USP38: variants seen among roughly 807,000 people sequenced by gnomAD.
USP38 encodes the protein ubiquitin specific peptidase 38.
USP38 carries 49 observed loss-of-function variants against 94.3 expected under a neutral mutation model. That is an observed-to-expected ratio of 0.52 (90% CI 0.41 to 0.66). USP38 has a LOEUF of 0.66. USP38 is among the 30% of genes least tolerant of loss of function. The pLI, the probability that USP38 is intolerant of heterozygous loss-of-function variation, is 0.00. For missense variants in USP38, 1,128 were observed against 1,229.4 expected, an observed-to-expected ratio of 0.92 and a Z score of 1.23; for synonymous variants, 468 against 463.6, an observed-to-expected ratio of 1.01 and a Z score of -0.12.
Position 143,206,133 on chromosome 4 carries a change from C to T in USP38, c.1310C>T (p.Ser437Phe), listed in dbSNP as rs781305050. The T allele has an allele frequency of 3.2e-5, 51 of 1,613,578 alleles. No individual in the cohort carries two copies. The highest frequency in any genetic ancestry group is 4.2e-5 in the Non-Finnish European group (50 of 1,179,854). The change falls in exon 6 of 10, where the codon TCT becomes TTT. Residue 437 changes from serine to phenylalanine, a missense_variant. Transcript: ENST00000307017. ...TTGGCGTCTTGCTTGTCTAGACTTTCTGGAAAATCTGAAACTGGGAAAACT... is the reference window on the plus strand; with the variant it reads ...TTGGCGTCTTGCTTGTCTAGACTTTTTGGAAAATCTGAAACTGGGAAAACT... ...NSLASCLSRL[S>F]GKSETGKTGL...
Position 143,214,959 on chromosome 4 carries a change from A to C in USP38, c.2967+16A>C, listed in dbSNP as rs1732144321. The C allele has an allele frequency of 6.2e-7, 1 of 1,602,104 alleles. No individual in the cohort carries two copies. Among genetic ancestry groups the C allele is most frequent in the East Asian group, 2.2e-5 (1 of 44,698 alleles). On this transcript the variant is annotated intron_variant, in intron 9 of 9. Transcript: ENST00000307017. ...ATATTTACAGGTAAGTTGGAAATAC[A>C]AGCTTTATTTGTTGAAAATATTAAA...
intron 9 of USP38, among the ~76,000 whole-genome samples, chr4:143,219,277 A>G (rs1032776159): frequency 1.3e-5 from 2 of 152,076 alleles, no homozygotes; most frequent in African/African-American, 4.8e-5. Flanking sequence ...ACTGAAAAAT[A>G]AAGTATCTAT....
chr4:143,185,571 A>C lies in USP38; in HGVS notation c.121A>C (p.Met41Leu), dbSNP rs1581151872. The change falls in exon 1 of 10, where the codon ATG (methionine) becomes CTG (leucine). Residue 41 changes from methionine to leucine, a missense_variant. By Grantham distance (15) the Met-to-Leu change is conservative. Transcript: ENST00000307017. ...HWLDEAQCEA[M>L]FDLTTRLILE... ...GCTAGACGAGGCGCAGTGCGAGGCC[A>C]TGTTTGACCTGACGACCCGGCTCAT... 4 of 1,614,154 alleles carry C rather than the reference A, an allele frequency of 2.5e-6. No individual in the cohort carries two copies. Among genetic ancestry groups the C allele is most frequent in the Non-Finnish European group, 2.5e-6 (3 of 1,180,010 alleles).
chr4:143,202,362 C>T (rs746000832), intron 4 of USP38, among the ~76,000 whole-genome samples: 8 of 151,936 alleles, frequency 5.3e-5, no homozygotes, highest in African/African-American at 1.5e-4. Context: ...GTGGGAAGGA[C>T]GGGGAATTAG....
chr4:143,219,527 G>C (rs562121298), intron 9 of USP38, among the ~76,000 whole-genome samples: 8 of 152,082 alleles, frequency 5.3e-5, no homozygotes, highest in Non-Finnish European at 1.2e-4. Flanking sequence ...ATGCTAACAA[G>C]TTCAGGTATG....
At chr4:143,186,193 C>A in intron 1 of USP38, 61 bp downstream of exon 1, 1 of 1,481,220 alleles carries the variant, frequency 6.8e-7, no homozygotes, top group Non-Finnish European at 9.3e-7. Context: ...CTCTTGCACA[C>A]ACACATTCAC....
intron 4 of USP38, among the ~76,000 whole-genome samples, chr4:143,199,554 T>A (rs1034777826): frequency 5.3e-5 from 8 of 152,192 alleles, no homozygotes; most frequent in Non-Finnish European, 1.2e-4. Flanking sequence ...CTTTGAAGAA[T>A]CACCATACTG....
At chr4:143,207,967 G>A (rs1321865569) in intron 6 of USP38, among the ~76,000 whole-genome samples, 1 of 152,082 alleles carries the variant, frequency 6.6e-6, no homozygotes, top group Non-Finnish European at 1.5e-5. Context: ...ATAAAAAGCA[G>A]ACATTCCCAT....
chr4:143,196,822 T>A (rs539473756), intron 3 of USP38, among the ~76,000 whole-genome samples: 17 of 152,184 alleles, frequency 1.1e-4, no homozygotes, highest in Non-Finnish European at 2.5e-4. Context: ...GACTTTTCCC[T>A]CCCAGACCTA....
chr4:143,187,889 T>TTA lies in USP38; in HGVS notation c.747_748dup (p.Thr250IlefsTer14). 1.9e-6 allele frequency: 3 copies of TTA among 1,613,798 alleles called. No individual in the cohort carries two copies. Among genetic ancestry groups the TTA allele is most frequent in the Non-Finnish European group, 2.5e-6 (3 of 1,179,776 alleles). ...GTGCAGCATATTCCTCTTCAGATGA[T>TTA]TACAGTTCTCATCAGGAGCCTTACT... is the stretch of plus-strand genomic sequence containing the variant. On this transcript the variant is annotated frameshift_variant, in exon 2 of 10. Coordinates refer to ENST00000307017, the MANE Select transcript of USP38 (RefSeq NM_032557.6). LOFTEE classifies it high-confidence loss of function.
In USP38 at chr4:143,209,646, G is replaced by T. The variant is rs200944395; in HGVS notation, c.1486G>T (p.Ala496Ser). Residue 496 changes from alanine (A) to serine (S), a missense_variant, in exon 7 of 10, where the codon GCC becomes TCC. By Grantham distance (99) the Ala-to-Ser change is moderately conservative. Transcript: ENST00000307017. ...KKLQHLFAFL[A>S]HTQREAYAPR... Reference sequence around the variant, plus strand: ...ATTACAGCATCTTTTTGCCTTTCTGGCCCATACACAGGTGAGTGTGTATGT... The same window carrying T: ...ATTACAGCATCTTTTTGCCTTTCTGTCCCATACACAGGTGAGTGTGTATGT... 56 of 1,603,048 alleles carry T rather than the reference G, an allele frequency of 3.5e-5. No homozygotes were observed. Among genetic ancestry groups the T allele is most frequent in the Middle Eastern group, 1.7e-4 (1 of 6,014 alleles).
chr4:143,189,970 A>G (rs1200305569), intron 2 of USP38, among the ~76,000 whole-genome samples: 2 of 151,482 alleles, frequency 1.3e-5, no homozygotes, highest in African/African-American at 2.4e-5. Flanking sequence ...ATCAGTTCTG[A>G]TCTGTATGTA....
At chr4:143,205,624 AT>A (rs1472614299) in intron 5 of USP38, among the ~76,000 whole-genome samples, 4 of 152,198 alleles carry the variant, frequency 2.6e-5, no homozygotes, top group Non-Finnish European at 5.9e-5. Flanking sequence ...TTATTACAAA[AT>A]TTGAAAACAA....
chr4:143,205,001 G>C (rs369484065), intron 5 of USP38, among the ~76,000 whole-genome samples: 1 of 152,320 alleles, frequency 6.6e-6, no homozygotes. Flanking sequence ...TATTGCTGGG[G>C]TGACACTTTG....
In USP38 at chr4:143,203,464, A is replaced by G. The variant is rs763749691; in HGVS notation, c.1107A>G (p.Ser369=). The G allele has an allele frequency of 6.8e-6, 11 of 1,613,178 alleles. No individual in the cohort carries two copies. Among genetic ancestry groups the G allele is most frequent in the Non-Finnish European group, 9.3e-6 (11 of 1,179,582 alleles). ...CTTTCAAAAATGATGGTCTGCCTTC[A>G]AGTACAGCCTTCTTAGTACAATTAA... ...VHSFKNDGLP[S]STAFLVQLTE... The change falls in exon 5 of 10, where the codon TCA becomes TCG. Residue 369 remains serine (S), a synonymous_variant. Transcript: ENST00000307017.
At position 143,220,947 on chromosome 4, in the gene USP38, A is replaced by G. The variant is rs1732309466; in HGVS notation, c.*491A>G. 6.6e-6 allele frequency: 1 copy of G among 152,398 alleles called. No homozygotes were observed. The highest frequency in any genetic ancestry group is 2.4e-5 in the African/African-American group (1 of 41,464). 9.4% of individuals were successfully genotyped at this position (152,398 alleles called of 1,614,324 possible). On this transcript the variant is annotated 3_prime_UTR_variant, in exon 10 of 10. Transcript: ENST00000307017. The stretch of plus-strand genomic sequence containing the variant: ...AGATTATAAAGTCTCTAAAGAAGGC[A>G]ATAACAAAATTTATCAAGATATAGT...
intron 4 of USP38, among the ~76,000 whole-genome samples, chr4:143,198,858 A>G (rs1731628415): frequency 6.6e-6 from 1 of 152,212 alleles, no homozygotes; most frequent in South Asian, 2.1e-4. Context: ...TAATACAAAC[A>G]GAACTCAAAC....
At chr4:143,210,321 G>C (rs1731988219) in intron 7 of USP38, among the ~76,000 whole-genome samples, 1 of 152,208 alleles carries the variant, frequency 6.6e-6, no homozygotes, top group Non-Finnish European at 1.5e-5. Flanking sequence ...AGGCGCAGTG[G>C]CTCACGCCTG....
intron 7 of USP38, among the ~76,000 whole-genome samples, chr4:143,211,493 C>G (rs1732023072): frequency 6.6e-6 from 1 of 152,070 alleles, no homozygotes; most frequent in African/African-American, 2.4e-5. Flanking sequence ...AGATATGAAC[C>G]AAACAGCTCT....
Sources: gnomAD v4.1 joint callset for allele counts (sites outside exome capture counted in the v4.1 genomes callset) on GRCh38, gnomAD v4.1.1 for gene constraint, MANE v1.5 for transcripts, NCBI Gene and HGNC (gene_info 2026-07-23, HGNC 2026-07-21) for gene names.